Variants in CNKSR3 observed in about 807,000 individuals in gnomAD.
CNKSR3 encodes connector enhancer of kinase suppressor of ras 3.
CNKSR3 carries 36 observed loss-of-function variants against 67.7 expected under a neutral mutation model. The observed-to-expected ratio is 0.53, with a 90% CI of 0.41 to 0.70. The LOEUF (loss-of-function observed/expected upper bound fraction) is 0.70, where lower values mean the gene tolerates loss of function less well. Ranked by LOEUF, CNKSR3 falls within the 30% of genes least tolerant of loss-of-function variation. The pLI, the probability that CNKSR3 is intolerant of heterozygous loss-of-function variation, is 0.00. For missense variants in CNKSR3, 630 were observed against 695.2 expected (o/e 0.91, Z 1.05); for synonymous variants, 281 against 271.4 (o/e 1.04, Z -0.35).
intron 1 of CNKSR3, among the ~76,000 whole-genome samples, chr6:154,501,846 A>C (rs1787004431): frequency 6.6e-6 from 1 of 152,186 alleles, no homozygotes; most frequent in Admixed American, 6.5e-5. Flanking sequence ...ACAATACCTA[A>C]AACCGAGAAG....
intron 4 of CNKSR3, among the ~76,000 whole-genome samples, chr6:154,437,410 CT>C (rs10665656): frequency 0.056 from 5,685 of 101,962 alleles, 96 homozygotes; most frequent in African/African-American, 0.11. Flanking sequence ...CACCTATGTT[CT>C]TTTTTTTTTT....
At chr6:154,439,726 T>C (rs1391092864) in intron 4 of CNKSR3, among the ~76,000 whole-genome samples, 2 of 151,996 alleles carry the variant, frequency 1.3e-5, no homozygotes, top group African/African-American at 4.8e-5. Context: ...ACCCTGTCTC[T>C]ACAAAAAAAT....
At chr6:154,493,814 AACTC>A (rs1350029685) in intron 1 of CNKSR3, among the ~76,000 whole-genome samples, 1 of 152,114 alleles carries the variant, frequency 6.6e-6, no homozygotes, top group Admixed American at 6.5e-5. Context: ...ATCTCTTGAG[AACTC>A]ACTCACTATC....
chr6:154,485,484 A>G (rs968355236), intron 1 of CNKSR3, among the ~76,000 whole-genome samples: 4 of 152,246 alleles, frequency 2.6e-5, no homozygotes, highest in Non-Finnish European at 5.9e-5. Context: ...ATGCCTTACA[A>G]AAAGTCTCCT....
chr6:154,442,479 G>C (rs6926901), intron 2 of CNKSR3, among the ~76,000 whole-genome samples, 189 bp from the exon 3 acceptor site: 1 of 151,812 alleles, frequency 6.6e-6, no homozygotes, highest in East Asian at 1.9e-4. Context: ...AAAATTAGCC[G>C]GGCGTGGTGG....
At chr6:154,451,949 T>C (rs1353884312) in intron 1 of CNKSR3, among the ~76,000 whole-genome samples, 1 of 152,166 alleles carries the variant, frequency 6.6e-6, no homozygotes, top group Non-Finnish European at 1.5e-5. Flanking sequence ...GTGGCCTTCG[T>C]GGCACGCGAG....
intron 2 of CNKSR3, among the ~76,000 whole-genome samples, chr6:154,447,680 C>A (rs567737675): frequency 2.0e-5 from 3 of 152,240 alleles, no homozygotes; most frequent in Non-Finnish European, 4.4e-5. Context: ...TTGATACTTT[C>A]CAGTGGTTTT....
Position 154,467,746 on chromosome 6 carries a change from T to C in CNKSR3, c.53-17488A>G, listed in dbSNP as rs549669154. Among the ~76,000 whole-genome samples the C allele has an allele frequency of 2.0e-5, 3 of 151,842 alleles. No homozygotes were observed. The East Asian group carries it at 5.8e-4, about 29-fold the overall frequency. ...TGTGGTTAGACCCATTATAAATATA[T>C]ATATATATATCATTTTTGTTTGTCT... is the stretch of plus-strand genomic sequence containing the variant. On this transcript the variant is annotated intron_variant, in intron 1 of 12. Coordinates refer to ENST00000607772, the MANE Select transcript of CNKSR3 (RefSeq NM_173515.4).
At chr6:154,424,243 A>G (rs1249459974) in intron 7 of CNKSR3, among the ~76,000 whole-genome samples, 1 of 147,790 alleles carries the variant, frequency 6.8e-6, no homozygotes, top group Non-Finnish European at 1.5e-5. Context: ...AAAAAAAAAA[A>G]AAAAAGAAAA....
rs545368856 is a variant in CNKSR3 at position 154,409,083 on chromosome 6, T to C, written c.1369+1260A>G. Among the ~76,000 whole-genome samples the C allele has an allele frequency of 2.8e-4, 43 of 152,310 alleles. No individual in the cohort carries two copies. In the South Asian group the frequency reaches 7.3e-3, roughly 26 times the overall value. ...ACTCACACGTTAACTAAGGGGATCC[T>C]GAATGGTAGGTACCCAGGCATCTTT... On this transcript the variant is annotated intron_variant, in intron 12 of 12. Coordinates refer to ENST00000607772, the MANE Select transcript of CNKSR3 (RefSeq NM_173515.4).
chr6:154,473,855 G>A (rs1484936689), intron 1 of CNKSR3, among the ~76,000 whole-genome samples: 1 of 151,658 alleles, frequency 6.6e-6, no homozygotes, highest in Non-Finnish European at 1.5e-5. Flanking sequence ...CATGATCTCA[G>A]CTCACTGCAA....
In CNKSR3 at chr6:154,392,239, G is replaced by A. The variant is rs1309913364; in HGVS notation, c.*14115C>T. On this transcript the variant is annotated 3_prime_UTR_variant, in exon 13 of 13. Coordinates refer to ENST00000607772, the MANE Select transcript of CNKSR3 (RefSeq NM_173515.4). The stretch of plus-strand genomic sequence containing the variant: ...AAAAAAAAAGAGTGTACCATTATAT[G>A]TTGTCTTCTGATGCTTTTTCCCACT... 1 of 151,670 alleles carries A rather than the reference G, an allele frequency of 6.6e-6. No individual in the cohort carries two copies. The highest frequency in any genetic ancestry group is 6.6e-5 in the Admixed American group (1 of 15,238). The allele number at this position is 151,670 out of a possible 1,614,324, so 9.4% of individuals were successfully genotyped here.
At chr6:154,413,141 C>CAA (rs1784943106) in intron 10 of CNKSR3, among the ~76,000 whole-genome samples, 1 of 115,828 alleles carries the variant, frequency 8.6e-6, no homozygotes, top group South Asian at 2.4e-4. Flanking sequence ...ATTTATGGTA[C>CAA]ACACACACAC....
At chr6:154,501,251 C>T (rs1039056390) in intron 1 of CNKSR3, among the ~76,000 whole-genome samples, 4 of 152,198 alleles carry the variant, frequency 2.6e-5, no homozygotes, top group African/African-American at 9.7e-5. Context: ...AAGACACCAT[C>T]GCCTCCAGAA....
chr6:154,500,256 AAC>A (rs5881088), intron 1 of CNKSR3, among the ~76,000 whole-genome samples: 17,743 of 146,806 alleles, frequency 0.12, 1,129 homozygotes, highest in East Asian at 0.18. Flanking sequence ...TAAAATTAGA[AAC>A]ACACACACAC....
intron 9 of CNKSR3, among the ~76,000 whole-genome samples, chr6:154,416,726 C>A (rs1017940213): frequency 3.9e-5 from 6 of 152,112 alleles, no homozygotes; most frequent in Non-Finnish European, 8.8e-5. Flanking sequence ...CACAGAGAAA[C>A]CCCCAGGGCT....
chr6:154,422,310 A>C (rs1191862385), intron 9 of CNKSR3, among the ~76,000 whole-genome samples, 196 bp downstream of exon 9: 1 of 152,148 alleles, frequency 6.6e-6, no homozygotes, highest in African/African-American at 2.4e-5. Context: ...AAATAGTCAT[A>C]TATGGTTACT....
intron 1 of CNKSR3, among the ~76,000 whole-genome samples, chr6:154,502,892 G>A (rs928027433): frequency 3.3e-5 from 5 of 152,150 alleles, no homozygotes; most frequent in African/African-American, 1.2e-4. Context: ...ACAACACGCT[G>A]GGTGAAAAGA....
intron 2 of CNKSR3, among the ~76,000 whole-genome samples, chr6:154,448,682 C>A (rs1027527216): frequency 6.6e-6 from 1 of 152,118 alleles, no homozygotes; most frequent in Non-Finnish European, 1.5e-5. Context: ...GTCTCCCAGG[C>A]GGCAGCTCAT....
Sources: gnomAD v4.1 joint callset for allele counts (sites outside exome capture counted in the v4.1 genomes callset) on GRCh38, gnomAD v4.1.1 for gene constraint, MANE v1.5 for transcripts, NCBI Gene and HGNC (gene_info 2026-07-23, HGNC 2026-07-21) for gene names.